Variants in COL19A1 observed in about 807,000 individuals in gnomAD.
COL19A1 encodes collagen type XIX alpha 1 chain.
In COL19A1, 159 loss-of-function variants were observed where a neutral mutation model predicts 190.2. The ratio of observed to expected loss-of-function variants is 0.84; its 90% CI spans 0.73 to 0.95. The LOEUF is 0.95. COL19A1 is among the 40% of genes least tolerant of loss of function. COL19A1 has a pLI of 0.00. For missense variants in COL19A1, 1,418 were observed against 1,431.9 expected (o/e 0.99, Z 0.16); for synonymous variants, 509 against 458.9 (o/e 1.11, Z -1.39).
chr6:70,075,207 AT>A (rs1352762612), intron 15 of COL19A1, among the ~76,000 whole-genome samples: 1 of 152,210 alleles, frequency 6.6e-6, no homozygotes, highest in Non-Finnish European at 1.5e-5. Flanking sequence ...TAACAGGGAA[AT>A]TGGGTACCCT....
intron 2 of COL19A1, among the ~76,000 whole-genome samples, chr6:69,889,285 G>A (rs1342272044): frequency 6.6e-6 from 1 of 152,204 alleles, no homozygotes; most frequent in Non-Finnish European, 1.5e-5. Context: ...ATAATTTCAT[G>A]TATGATAATT....
intron 11 of COL19A1, among the ~76,000 whole-genome samples, chr6:69,985,506 A>G (rs1776264465): frequency 6.6e-6 from 1 of 152,146 alleles, no homozygotes; most frequent in African/African-American, 2.4e-5. Flanking sequence ...AATTAGGACC[A>G]CTTTAAAATG....
chr6:70,019,669 T>C (rs1778310245), intron 11 of COL19A1, among the ~76,000 whole-genome samples: 1 of 152,118 alleles, frequency 6.6e-6, no homozygotes. Context: ...AAGTTTTTAT[T>C]AGACTAGAAT....
At chr6:69,986,851 G>A (rs1776342645) in intron 11 of COL19A1, among the ~76,000 whole-genome samples, 1 of 152,114 alleles carries the variant, frequency 6.6e-6, no homozygotes, top group Non-Finnish European at 1.5e-5. Context: ...AGATATTTGA[G>A]TGCAATTGCC....
chr6:70,149,361 G>A (rs879624014), intron 27 of COL19A1, among the ~76,000 whole-genome samples: 12 of 152,138 alleles, frequency 7.9e-5, no homozygotes, highest in Non-Finnish European at 1.6e-4. Flanking sequence ...AAGCAGAAAA[G>A]AATCCCTGAG....
intron 4 of COL19A1, among the ~76,000 whole-genome samples, chr6:69,906,170 C>T (rs1232509192): frequency 6.6e-6 from 1 of 152,026 alleles, no homozygotes; most frequent in Admixed American, 6.6e-5. Context: ...CCATTAGTTG[C>T]TTCAATAGAA....
chr6:69,971,261 T>A (rs1407320777), intron 11 of COL19A1, among the ~76,000 whole-genome samples: 1 of 152,218 alleles, frequency 6.6e-6, no homozygotes, highest in Non-Finnish European at 1.5e-5. Context: ...ATACGTAATA[T>A]TTTATGTGAG....
Position 70,211,232 on chromosome 6 carries a change from TA to T in COL19A1, c.*3960del, listed in dbSNP as rs1239999993. On this transcript the variant is annotated 3_prime_UTR_variant, in exon 51 of 51. Coordinates refer to ENST00000620364, the MANE Select transcript of COL19A1 (RefSeq NM_001858.6). ...GTACAATTAGAAACACTGTTTTTTT[TA>T]AGTACCGTTTTTATTTTCATAACAC... is the stretch of plus-strand genomic sequence containing the variant. 1.3e-5 allele frequency among the ~76,000 whole-genome samples: 2 copies of T among 152,152 alleles called. No individual in the cohort carries two copies. Among genetic ancestry groups the T allele is most frequent in the African/African-American group, 4.8e-5 (2 of 41,454 alleles).
intron 42 of COL19A1, among the ~76,000 whole-genome samples, chr6:70,178,542 A>G (rs1340610913): frequency 6.6e-6 from 1 of 152,190 alleles, no homozygotes; most frequent in African/African-American, 2.4e-5. Context: ...AGAAATAGAC[A>G]ATGGTGATGG....
chr6:70,020,325 A>G (rs1778348755), intron 11 of COL19A1, among the ~76,000 whole-genome samples: 1 of 152,026 alleles, frequency 6.6e-6, no homozygotes, highest in African/African-American at 2.4e-5. Flanking sequence ...ACAGGTTCAT[A>G]ATATTTTGTC....
chr6:70,137,828 C>T, intron 19 of COL19A1, 81 bp downstream of exon 19: 1 of 1,361,410 alleles, frequency 7.3e-7, no homozygotes, highest in South Asian at 1.2e-5. Flanking sequence ...AGCCCCAATT[C>T]CACGTGCCTT....
At chr6:70,075,157 G>C (rs1428830154) in intron 15 of COL19A1, among the ~76,000 whole-genome samples, 1 of 152,142 alleles carries the variant, frequency 6.6e-6, no homozygotes, top group Non-Finnish European at 1.5e-5. Context: ...GAGTTTGCAA[G>C]AGATACCATC....
At chr6:70,180,626 C>T (rs1766114396) in intron 44 of COL19A1, 103 bp downstream of exon 44, 1 of 1,241,598 alleles carries the variant, frequency 8.1e-7, no homozygotes, top group Non-Finnish European at 1.2e-6. Context: ...TAAGCAGTTT[C>T]CAAGGAGTAA....
intron 4 of COL19A1, among the ~76,000 whole-genome samples, chr6:69,923,129 A>T (rs540384189): frequency 6.4e-4 from 97 of 152,176 alleles, no homozygotes; most frequent in Non-Finnish European, 1.2e-3. Flanking sequence ...CTACTCCTCA[A>T]AAAAAGCAAT....
intron 11 of COL19A1, among the ~76,000 whole-genome samples, chr6:69,989,338 C>G (rs555758296): frequency 3.3e-5 from 5 of 152,120 alleles, no homozygotes; most frequent in Non-Finnish European, 5.9e-5. Context: ...AATTTAGTTT[C>G]ATAGAATTTT....
At chr6:70,069,641 A>G (rs1159357576) in intron 15 of COL19A1, among the ~76,000 whole-genome samples, 2 of 152,138 alleles carry the variant, frequency 1.3e-5, no homozygotes, top group Admixed American at 6.6e-5. Flanking sequence ...GATTGAGCCA[A>G]TGCTCCTTTG....
In COL19A1 at chr6:70,206,946, T is replaced by C. The variant is rs1316690739; in HGVS notation, c.3269T>C (p.Leu1090Pro). The C allele has an allele frequency of 2.5e-6, 4 of 1,613,916 alleles. No homozygotes were observed. The highest frequency in any genetic ancestry group is 2.5e-6 in the Non-Finnish European group (3 of 1,179,900). Residue 1090 changes from leucine (L) to proline (P), a missense_variant, in exon 50 of 51, where the codon CTG becomes CCG. Physicochemically the swap from Leu to Pro is moderately conservative, Grantham distance 98. Coordinates refer to ENST00000620364, the MANE Select transcript of COL19A1 (RefSeq NM_001858.6). The stretch of plus-strand genomic sequence containing the variant: ...GAAAGAGGTGAACCTGGAATTGGGC[T>C]GCCAGGGAGTCCAGGTCTTCCTGGG... ...KGERGEPGIG[L>P]PGSPGLPGTS...
rs1771877916 is a variant in COL19A1 at position 69,921,459 on chromosome 6, ATCATATATATTCATATAT to A, written c.267-6431_267-6414del. Among the ~76,000 whole-genome samples, 2 of 21,270 alleles carry A rather than the reference ATCATATATATTCATATAT, an allele frequency of 9.4e-5. 1 individual carries two copies. Among genetic ancestry groups the A allele is most frequent in the Non-Finnish European group, 2.0e-4 (2 of 9,938 alleles). 14.0% of individuals were successfully genotyped at this position (21,270 alleles called of 152,430 possible). A position where few individuals can be genotyped will look rare whatever the true frequency, so the allele number is the denominator to read the frequency against. ...ATCATATATATCATATATCATATAT[ATCATATATATTCATATAT>A]TCATATATATTCATATATATTCATA... On this transcript the variant is annotated intron_variant, in intron 4 of 50. Transcript: ENST00000620364.
intron 16 of COL19A1, among the ~76,000 whole-genome samples, chr6:70,113,591 G>A (rs549368749): frequency 2.2e-4 from 33 of 152,134 alleles, no homozygotes; most frequent in South Asian, 6.2e-4. Context: ...TTATAAGCGC[G>A]AAGGCTCCTT....
Sources: gnomAD v4.1 joint callset for allele counts (sites outside exome capture counted in the v4.1 genomes callset) on GRCh38, gnomAD v4.1.1 for gene constraint, MANE v1.5 for transcripts, NCBI Gene and HGNC (gene_info 2026-07-23, HGNC 2026-07-21) for gene names.